Variants in CRPPA observed in about 807,000 individuals in gnomAD.
CRPPA encodes D-ribitol-5-phosphate cytidylyltransferase.
CRPPA carries 43 observed loss-of-function variants against 52.0 expected under a neutral mutation model. The ratio of observed to expected loss-of-function variants is 0.83; its 90% CI spans 0.65 to 1.07. CRPPA has a LOEUF of 1.07. Ranked by LOEUF, CRPPA falls within the 50% of genes least tolerant of loss-of-function variation. CRPPA has a pLI of 0.00. For missense variants in CRPPA, 629 were observed against 551.7 expected (o/e 1.14, Z -1.40); for synonymous variants, 250 against 203.5 (o/e 1.23, Z -1.94).
At chr7:16,120,692 C>T (rs924789221) in intron 9 of CRPPA, among the ~76,000 whole-genome samples, 24 of 152,150 alleles carry the variant, frequency 1.6e-4, no homozygotes, top group African/African-American at 5.8e-4. Context: ...TACTGCAAAA[C>T]CTCATTGAAG....
chr7:16,152,237 G>T (rs1031910656), intron 9 of CRPPA, among the ~76,000 whole-genome samples: 2 of 151,896 alleles, frequency 1.3e-5, no homozygotes, highest in African/African-American at 4.8e-5. Flanking sequence ...AGATAAAACT[G>T]GGAATAAAAT....
chr7:16,209,891 G>C (rs1296215908), intron 9 of CRPPA, among the ~76,000 whole-genome samples: 1 of 152,132 alleles, frequency 6.6e-6, no homozygotes, highest in African/African-American at 2.4e-5. Context: ...TGAAGAACAA[G>C]AACTTAAAGC....
chr7:16,267,346 T>C (rs957861760), intron 6 of CRPPA, among the ~76,000 whole-genome samples: 4 of 152,338 alleles, frequency 2.6e-5, no homozygotes, highest in Admixed American at 2.0e-4. Context: ...GAGAATCCTG[T>C]TATAAATGCA....
intron 8 of CRPPA, chr7:16,247,958 G>C (rs1482191285): frequency 1.3e-5 from 2 of 151,976 alleles, no homozygotes; most frequent in African/African-American, 2.4e-5. Flanking sequence ...CTCAATAGAA[G>C]TCAAGAGAAA....
intron 2 of CRPPA, among the ~76,000 whole-genome samples, chr7:16,400,702 A>C (rs1481172571): frequency 2.0e-5 from 3 of 152,220 alleles, no homozygotes; most frequent in Non-Finnish European, 4.4e-5. Flanking sequence ...CTCGTGTATG[A>C]CACGTTACAC....
At chr7:16,163,592 T>A (rs1780968972) in intron 9 of CRPPA, among the ~76,000 whole-genome samples, 1 of 152,212 alleles carries the variant, frequency 6.6e-6, no homozygotes, top group South Asian at 2.1e-4. Flanking sequence ...CATTAGTTGA[T>A]GCAGTTTCTT....
chr7:16,184,293 AT>A (rs958065942), intron 9 of CRPPA, among the ~76,000 whole-genome samples: 2 of 152,062 alleles, frequency 1.3e-5, no homozygotes, highest in East Asian at 3.9e-4. Context: ...AACATAATCC[AT>A]TTTTTCAGTA....
At chr7:16,145,839 A>G (rs1028576153) in intron 9 of CRPPA, among the ~76,000 whole-genome samples, 4 of 152,192 alleles carry the variant, frequency 2.6e-5, no homozygotes, top group African/African-American at 7.2e-5. Flanking sequence ...CATCAAATTA[A>G]GCAGCATATT....
intron 8 of CRPPA, among the ~76,000 whole-genome samples, chr7:16,221,598 A>G (rs1199300167): frequency 1.3e-5 from 2 of 151,986 alleles, no homozygotes; most frequent in African/African-American, 4.8e-5. Context: ...CAAATTTACA[A>G]GAAAAAAACA....
At chr7:16,228,522 A>G (rs1445345552) in intron 8 of CRPPA, among the ~76,000 whole-genome samples, 1 of 151,838 alleles carries the variant, frequency 6.6e-6, no homozygotes, top group Non-Finnish European at 1.5e-5. Flanking sequence ...GTCTCAAGGA[A>G]TTTTTTAATT....
At chr7:16,291,927 T>C (rs1346468721) in intron 5 of CRPPA, among the ~76,000 whole-genome samples, 9 of 151,884 alleles carry the variant, frequency 5.9e-5, no homozygotes, top group Non-Finnish European at 7.4e-5. Flanking sequence ...TTTGAGAATA[T>C]AGATATACAT....
intron 1 of CRPPA, among the ~76,000 whole-genome samples, chr7:16,419,793 C>G (rs896480371): frequency 6.6e-6 from 1 of 152,048 alleles, no homozygotes; most frequent in South Asian, 2.1e-4. Flanking sequence ...ACTTCCCGAG[C>G]CTCTACCCGC....
intron 9 of CRPPA, among the ~76,000 whole-genome samples, chr7:16,120,565 A>G (rs926501643): frequency 2.0e-5 from 3 of 152,164 alleles, no homozygotes; most frequent in African/African-American, 2.4e-5. Flanking sequence ...AGAAAAAGCT[A>G]TAACATCATT....
At chr7:16,388,637 G>C (rs1044308819) in intron 2 of CRPPA, among the ~76,000 whole-genome samples, 14 of 152,216 alleles carry the variant, frequency 9.2e-5, no homozygotes, top group African/African-American at 3.4e-4. Context: ...CACTTTGGGA[G>C]GCCAAGGCAG....
At chr7:16,117,573 G>A (rs79021554) in intron 9 of CRPPA, among the ~76,000 whole-genome samples, 4 of 151,878 alleles carry the variant, frequency 2.6e-5, no homozygotes, top group Admixed American at 1.3e-4. Context: ...CACACCTTGC[G>A]GGAGCTACGT....
chr7:16,140,895 C>T (rs1276495641), intron 9 of CRPPA, among the ~76,000 whole-genome samples: 2 of 152,102 alleles, frequency 1.3e-5, no homozygotes, highest in East Asian at 3.9e-4. Context: ...CAGTATGCCC[C>T]AAGCACTAAG....
intron 2 of CRPPA, among the ~76,000 whole-genome samples, chr7:16,389,711 T>C (rs1305362367): frequency 1.3e-5 from 2 of 151,650 alleles, no homozygotes; most frequent in Non-Finnish European, 2.9e-5. Context: ...AAATCCACTG[T>C]TGGCCATTTC....
At chr7:16,155,461 C>T (rs1783160713) in intron 9 of CRPPA, among the ~76,000 whole-genome samples, 2 of 152,158 alleles carry the variant, frequency 1.3e-5, no homozygotes, top group South Asian at 2.1e-4. Flanking sequence ...AGTGAACTCG[C>T]CTCTCTTGCC....
intron 3 of CRPPA, among the ~76,000 whole-genome samples, chr7:16,373,694 C>A (rs1277344543): frequency 2.0e-5 from 3 of 152,076 alleles, no homozygotes; most frequent in Non-Finnish European, 2.9e-5. Flanking sequence ...AAATAATAAG[C>A]AGCAAGGTAG....
Sources: gnomAD v4.1 joint callset for allele counts (sites outside exome capture counted in the v4.1 genomes callset) on GRCh38, gnomAD v4.1.1 for gene constraint, MANE v1.5 for transcripts, NCBI Gene and HGNC (gene_info 2026-07-23, HGNC 2026-07-21) for gene names.